Variants in TMEM272 observed in about 807,000 individuals in gnomAD.
The protein encoded by TMEM272 is long intergenic non-protein coding RNA 282.
Under a neutral mutation model 3.7 loss-of-function variants are expected in TMEM272, and 8 were observed. That is an observed-to-expected ratio of 2.17 (90% CI 1.27 to 3.91). The LOEUF is 3.91. Ranked by LOEUF, TMEM272 falls within the 30% of genes most tolerant of loss-of-function variation. The probability of loss-of-function intolerance (pLI) is 0.00; values close to 1 mark genes in which losing one functional copy is unlikely to be tolerated. For missense variants in TMEM272, 166 were observed against 91.5 expected, an observed-to-expected ratio of 1.81 and a Z score of -3.32; for synonymous variants, 63 against 39.8, an observed-to-expected ratio of 1.58 and a Z score of -2.20.
the TMEM272 span, among the ~76,000 whole-genome samples, chr13:51,866,628 T>C: frequency 7.9e-5 from 12 of 152,226 alleles, no homozygotes; most frequent in Admixed American, 6.5e-4. Context: ...GCAGAATCCC[T>C]GTACGACCCA....
At chr13:51,898,009 G>A in the TMEM272 span, among the ~76,000 whole-genome samples, 7 of 150,148 alleles carry the variant, frequency 4.7e-5, no homozygotes, top group African/African-American at 1.7e-4. Flanking sequence ...TGGATCACAA[G>A]GTCAAGAGAT....
At chr13:51,860,762 C>T in the TMEM272 span, among the ~76,000 whole-genome samples, 576 of 148,548 alleles carry the variant, frequency 3.9e-3, 4 homozygotes, top group African/African-American at 0.013. Flanking sequence ...TACACACACA[C>T]ACACTTTGTA....
the TMEM272 span, among the ~76,000 whole-genome samples, chr13:51,883,501 A>C: frequency 6.6e-6 from 1 of 152,144 alleles, no homozygotes; most frequent in African/African-American, 2.4e-5. Flanking sequence ...GCCGTCTGTG[A>C]GGCTGAGTCT....
the TMEM272 span, among the ~76,000 whole-genome samples, chr13:51,894,911 C>G: frequency 1.3e-5 from 2 of 151,926 alleles, no homozygotes; most frequent in Non-Finnish European, 2.9e-5. Context: ...ATGGTCCCAT[C>G]TGGGGGTCAT....
chr13:51,841,258 T>C (rs140571088), intron 1 of TMEM272, among the ~76,000 whole-genome samples: 196 of 152,300 alleles, frequency 1.3e-3, no homozygotes, highest in African/African-American at 4.5e-3. Context: ...GTACTTCACA[T>C]CTTCCAGCCA....
At chr13:51,909,962 T>C in the TMEM272 span, 1 of 1,593,848 alleles carries the variant, frequency 6.3e-7, no homozygotes, top group East Asian at 2.2e-5. Flanking sequence ...GTTTCTGGCT[T>C]TCCTGAAGTT....
the TMEM272 span, among the ~76,000 whole-genome samples, chr13:51,927,006 A>G: frequency 1.3e-5 from 2 of 152,164 alleles, no homozygotes. Flanking sequence ...TAAAGCATCT[A>G]GTGCTTCATA....
chr13:51,904,998 G>A, the TMEM272 span, among the ~76,000 whole-genome samples: 1 of 152,276 alleles, frequency 6.6e-6, no homozygotes, highest in East Asian at 1.9e-4. Flanking sequence ...CAGCATCCCT[G>A]CCCTCCAACC....
the TMEM272 span, among the ~76,000 whole-genome samples, chr13:51,915,258 T>C: frequency 2.0e-5 from 3 of 152,362 alleles, no homozygotes; most frequent in East Asian, 5.8e-4. Context: ...TGTTTCATTA[T>C]CGATAGTTGG....
chr13:51,817,643 G>A (rs1003354670), intron 4 of TMEM272, among the ~76,000 whole-genome samples: 4 of 141,804 alleles, frequency 2.8e-5, no homozygotes, highest in Non-Finnish European at 6.2e-5. Flanking sequence ...CCCCAGCCCC[G>A]CCCAGCCTGC....
the TMEM272 span, among the ~76,000 whole-genome samples, chr13:51,898,234 T>TA: frequency 6.6e-5 from 10 of 150,662 alleles, 1 homozygote; most frequent in South Asian, 4.2e-4. Context: ...AATAAATAAA[T>TA]AAATAAAATA....
chr13:51,849,404 A>T (rs1956321081), upstream of TMEM272, among the ~76,000 whole-genome samples: 1 of 152,236 alleles, frequency 6.6e-6, no homozygotes, highest in South Asian at 2.1e-4. Context: ...GATGAAAAAG[A>T]TTGGTTGCAC....
chr13:51,827,976 G>A (rs1212095813), intron 2 of TMEM272, among the ~76,000 whole-genome samples: 1 of 152,230 alleles, frequency 6.6e-6, no homozygotes, highest in East Asian at 1.9e-4. Context: ...GGCCACTGGT[G>A]AGGAATTGAA....
At chr13:51,886,779 A>C in the TMEM272 span, among the ~76,000 whole-genome samples, 1 of 152,206 alleles carries the variant, frequency 6.6e-6, no homozygotes, top group African/African-American at 2.4e-5. Context: ...TTAAGTAGTG[A>C]AAACTAAAAC....
intron 2 of TMEM272, among the ~76,000 whole-genome samples, chr13:51,826,878 A>C (rs912908457): frequency 6.6e-6 from 1 of 151,622 alleles, no homozygotes. Context: ...ATCCTGCAGG[A>C]CCTCTCCAAG....
At chr13:51,848,712 G>A (rs1956318250), upstream of TMEM272, among the ~76,000 whole-genome samples, 1 of 152,160 alleles carries the variant, frequency 6.6e-6, no homozygotes, top group Non-Finnish European at 1.5e-5. Flanking sequence ...TAGAAATGAA[G>A]GGAGATGCTA....
the TMEM272 span, among the ~76,000 whole-genome samples, chr13:51,907,618 A>G: frequency 1.3e-5 from 2 of 152,178 alleles, no homozygotes; most frequent in Non-Finnish European, 2.9e-5. Context: ...TCCCATGGAA[A>G]CCACCGTAAA....
At chr13:51,913,119 TCCTAAAG>T in the TMEM272 span, among the ~76,000 whole-genome samples, 10 of 152,316 alleles carry the variant, frequency 6.6e-5, no homozygotes, top group African/African-American at 2.4e-4. Flanking sequence ...GCTCATGTTA[TCCTAAAG>T]CTAACGCTTC....
chr13:51,882,067 A>G, the TMEM272 span, among the ~76,000 whole-genome samples: 148,471 of 152,302 alleles, frequency 0.97, 72,384 homozygotes, highest in East Asian at 1. Context: ...ACGAAATTGT[A>G]TTTCTTTGAA....
Sources: allele counts gnomAD v4.1 joint callset (sites outside exome capture counted in the v4.1 genomes callset), GRCh38; gene constraint gnomAD v4.1.1; transcripts MANE v1.5; gene names NCBI Gene and HGNC (gene_info 2026-07-23, HGNC 2026-07-21).